The following MAST2 variants were observed in gnomAD, a reference collection of about 807,000 sequenced individuals.
MAST2 encodes microtubule-associated serine/threonine-protein kinase 2.
A neutral mutation model predicts 147.4 loss-of-function variants in MAST2; 70 were observed. That is an observed-to-expected ratio of 0.47 (90% CI 0.39 to 0.58). The LOEUF (loss-of-function observed/expected upper bound fraction) is 0.58. Among genes scored for constraint, MAST2 ranks in the 20% least tolerant of loss-of-function variants. The probability of loss-of-function intolerance (pLI) is 0.00; values close to 1 mark genes in which losing one functional copy is unlikely to be tolerated. For synonymous variants in MAST2, 869 were observed against 896.8 expected, an observed-to-expected ratio of 0.97 and a Z score of 0.55; for missense variants, 2,080 against 2,302.3, an observed-to-expected ratio of 0.90 and a Z score of 1.98.
intron 4 of MAST2, among the ~76,000 whole-genome samples, chr1:45,894,641 T>C (rs1179145978): frequency 2.0e-5 from 3 of 152,220 alleles, no homozygotes; most frequent in Non-Finnish European, 2.9e-5. Flanking sequence ...ATAAATTATT[T>C]GCTAAAATTT....
intron 4 of MAST2, among the ~76,000 whole-genome samples, chr1:45,885,208 C>T (rs901033493): frequency 1.3e-5 from 2 of 152,118 alleles, no homozygotes; most frequent in African/African-American, 4.8e-5. Context: ...GAGGGGGCAT[C>T]ATATTTGTGT....
Position 46,035,381 on chromosome 1 carries a change from C to G in MAST2, c.4712C>G (p.Pro1571Arg). The G allele has an allele frequency of 6.2e-7, 1 of 1,612,782 alleles. No individual in the cohort carries two copies. The highest frequency in any genetic ancestry group is 8.5e-7 in the Non-Finnish European group (1 of 1,179,556). The change falls in exon 29 of 29, where the codon CCC becomes CGC. Residue 1571 changes from proline to arginine, a missense_variant. Physicochemically the swap from Pro to Arg is moderately radical, Grantham distance 103 (BLOSUM62 -2). Transcript: ENST00000361297. The surrounding 1 kb of genome is among the most constrained non-coding windows in gnomAD (Gnocchi z 5.5). ...TTGACAGGGATCACACTGGGGCCTCCCAGAATGGAAAGTCCCAGTGGTCCC... is the reference window on the plus strand; with the variant it reads ...TTGACAGGGATCACACTGGGGCCTCGCAGAATGGAAAGTCCCAGTGGTCCC... ...SLLTGITLGP[P>R]RMESPSGPHR...
chr1:45,946,107 A>G (rs1386047345), intron 4 of MAST2, among the ~76,000 whole-genome samples: 1 of 152,214 alleles, frequency 6.6e-6, no homozygotes, highest in Non-Finnish European at 1.5e-5. Flanking sequence ...AACATGTATC[A>G]GGCACTGTCC....
intron 3 of MAST2, among the ~76,000 whole-genome samples, chr1:45,870,934 A>G (rs1646361989): frequency 6.6e-6 from 1 of 152,142 alleles, no homozygotes; most frequent in African/African-American, 2.4e-5. Flanking sequence ...CTCAAAAAAA[A>G]TTAAAATAAC....
At chr1:45,860,685 A>G (rs1464772024) in intron 3 of MAST2, among the ~76,000 whole-genome samples, 1 of 151,976 alleles carries the variant, frequency 6.6e-6, no homozygotes, top group Middle Eastern at 3.4e-3. Flanking sequence ...TACAAAAATT[A>G]GCCAAGCGTA....
intron 1 of MAST2, 80 bp downstream of exon 1, chr1:45,804,152 T>G: frequency 8.1e-7 from 1 of 1,232,180 alleles, no homozygotes; most frequent in Non-Finnish European, 1.0e-6. Flanking sequence ...GGACCCGGGC[T>G]GGAGCTTTGG....
At chr1:45,858,945 C>T (rs1405122803) in intron 3 of MAST2, among the ~76,000 whole-genome samples, 1 of 152,052 alleles carries the variant, frequency 6.6e-6, no homozygotes, top group Non-Finnish European at 1.5e-5. Context: ...TTTCTGAGGG[C>T]TCTGTTCTGT....
intron 4 of MAST2, among the ~76,000 whole-genome samples, chr1:45,905,174 C>CT (rs1206585552): frequency 0.021 from 2,711 of 128,112 alleles, 62 homozygotes; most frequent in African/African-American, 0.043. Flanking sequence ...TATGTTTAAT[C>CT]TTTTTTTTTT....
At chr1:46,001,068 T>C in intron 6 of MAST2, 1 of 1,043,676 alleles carries the variant, frequency 9.6e-7, no homozygotes, top group Non-Finnish European at 1.3e-6. Context: ...TGGTGAAAAC[T>C]GGTTGTGATG....
chr1:45,882,828 G>A (rs893627530), intron 4 of MAST2, among the ~76,000 whole-genome samples: 1 of 152,226 alleles, frequency 6.6e-6, no homozygotes, highest in Non-Finnish European at 1.5e-5. Flanking sequence ...GCTAAGTTTG[G>A]AGACTATGTT....
At chr1:45,863,330 A>C (rs1197628323) in intron 3 of MAST2, among the ~76,000 whole-genome samples, 2 of 152,224 alleles carry the variant, frequency 1.3e-5, no homozygotes, top group African/African-American at 4.8e-5. Context: ...AGTGTACAGC[A>C]TACCCTATGC....
chr1:45,941,446 G>A (rs571464158), intron 4 of MAST2, among the ~76,000 whole-genome samples: 1 of 152,270 alleles, frequency 6.6e-6, no homozygotes, highest in South Asian at 2.1e-4. Flanking sequence ...TTTTAGTAGA[G>A]ACGGGGTTTC....
Position 46,034,927 on chromosome 1 carries a change from A to T in MAST2, c.4258A>T (p.Lys1420Ter). ...GGCAGCAGCACTTGCCGCCTCTGAG[A>T]AGAAGCTAGCCACTTCTCGCAAGCA... ...KLAAALAASEKKLATSRKHSL... is the reference protein window; with the variant it reads ...KLAAALAASE The change falls in exon 29 of 29, where the codon AAG (lysine) becomes TAG (stop). Residue 1420 changes from lysine to a stop codon, truncating the protein, a stop_gained. Transcript: ENST00000361297. LOFTEE classifies it low-confidence loss of function (END_TRUNC). 1 of 1,614,144 alleles carries T rather than the reference A, an allele frequency of 6.2e-7. No individual in the cohort carries two copies. The highest frequency in any genetic ancestry group is 8.5e-7 in the Non-Finnish European group (1 of 1,180,034).
intron 4 of MAST2, among the ~76,000 whole-genome samples, chr1:45,919,527 T>G (rs964997621): frequency 1.3e-5 from 2 of 152,244 alleles, no homozygotes; most frequent in African/African-American, 4.8e-5. Flanking sequence ...TGACATTATT[T>G]GATACAGGAG....
intron 4 of MAST2, among the ~76,000 whole-genome samples, chr1:45,928,073 G>T (rs1010451478): frequency 2.0e-5 from 3 of 152,048 alleles, no homozygotes; most frequent in African/African-American, 7.2e-5. Flanking sequence ...ATTTTACATT[G>T]TGTTATGGAA....
At chr1:45,953,992 T>A (rs951425912) in intron 4 of MAST2, among the ~76,000 whole-genome samples, 1 of 152,208 alleles carries the variant, frequency 6.6e-6, no homozygotes, top group Non-Finnish European at 1.5e-5. Context: ...TGAAATATTA[T>A]AGCATCTGGA....
intron 3 of MAST2, among the ~76,000 whole-genome samples, chr1:45,871,230 T>TA (rs397714009): frequency 6.6e-6 from 1 of 151,950 alleles, no homozygotes; most frequent in Non-Finnish European, 1.5e-5. Context: ...CTTTTTTTTT[T>TA]ACCCTTTAAA....
rs754544108 is a variant in MAST2, at chr1:45,970,667, C to CAA, written c.592+11211_592+11212dup. Reference sequence around the variant, plus strand: ...TGGGCAACAGAGGAAGACTCTGTCTCAAAAAAAAAAAAAAAAAAAAAAGAA... The same window carrying CAA: ...TGGGCAACAGAGGAAGACTCTGTCTCAAAAAAAAAAAAAAAAAAAAAAAAGAA... On this transcript the variant is annotated intron_variant, in intron 5 of 28. Transcript: ENST00000361297. Among the ~76,000 whole-genome samples, 94 of 72,236 alleles carry CAA rather than the reference C, an allele frequency of 1.3e-3. 1 individual carries two copies. The highest frequency in any genetic ancestry group is 2.2e-3 in the African/African-American group (38 of 17,040). 47.4% of individuals were successfully genotyped at this position (72,236 alleles called of 152,430 possible). A position where few individuals can be genotyped will look rare whatever the true frequency, so the allele number is the denominator to read the frequency against.
intron 11 of MAST2, among the ~76,000 whole-genome samples, chr1:46,021,224 T>A (rs568259419): frequency 1.3e-5 from 2 of 152,304 alleles, no homozygotes; most frequent in South Asian, 2.1e-4. Flanking sequence ...GAGAACAGAG[T>A]TCAGGGCAGA....
Sources: allele counts gnomAD v4.1 joint callset (sites outside exome capture counted in the v4.1 genomes callset), GRCh38; gene constraint gnomAD v4.1.1; non-coding constraint Gnocchi (gnomAD v3.1); transcripts MANE v1.5; gene names NCBI Gene and HGNC (gene_info 2026-07-23, HGNC 2026-07-21).